SPDYE17: variants seen among roughly 807,000 people sequenced by gnomAD.
The protein encoded by SPDYE17 is speedy protein E17.
For synonymous variants in SPDYE17, 4 were observed against 14.8 expected (o/e 0.27, Z 1.68); for missense variants, 7 against 38.0 (o/e 0.18, Z 2.15).
intron 5 of SPDYE17, among the ~76,000 whole-genome samples, chr7:77,026,035 C>G (rs1239343846): frequency 1.5e-5 from 2 of 131,032 alleles, no homozygotes; most frequent in Admixed American, 8.8e-5. Context: ...GACCTAATCC[C>G]AATGTCACAT....
intron 1 of SPDYE17, among the ~76,000 whole-genome samples, 198 bp downstream of exon 1, chr7:77,032,042 C>G (rs1235373596): frequency 4.6e-5 from 3 of 65,154 alleles, no homozygotes; most frequent in Admixed American, 2.2e-4. Context: ...AACCCCATCT[C>G]TTCTAAAAAT....
intron 7 of SPDYE17, 164 bp from the exon 8 acceptor site, chr7:77,023,951 A>G: frequency 1.7e-5 from 1 of 60,242 alleles, no homozygotes; most frequent in South Asian, 1.5e-4. Context: ...ATCGTGTTCA[A>G]CTGTGAAACT....
chr7:77,029,324 C>T lies in SPDYE17; in HGVS notation c.258G>A (p.Ala86=). The T allele has an allele frequency of 8.4e-6, 1 of 119,292 alleles. No homozygotes were observed. The highest frequency in any genetic ancestry group is 1.3e-5 in the Non-Finnish European group (1 of 76,812). 7.4% of individuals were successfully genotyped at this position (119,292 alleles called of 1,614,324 possible). A position where few individuals can be genotyped will look rare whatever the true frequency, so the allele number is the denominator to read the frequency against. Reference sequence around the variant, plus strand: ...TCATCTTGAGGCCACACAGCGTCTCCGCCACCCAGGTCTCCTCAGGCTCAG... The same window carrying T: ...TCATCTTGAGGCCACACAGCGTCTCTGCCACCCAGGTCTCCTCAGGCTCAG... The part of the protein sequence containing the change: ...LAPEPEETWV[A]ETLCGLKMKA... Residue 86 remains alanine (A), a synonymous_variant, in exon 3 of 8, where the codon GCG becomes GCA. Transcript: ENST00000671986.
intron 4 of SPDYE17, 90 bp from the exon 5 acceptor site, chr7:77,027,004 G>C: frequency 2.3e-6 from 1 of 435,696 alleles, no homozygotes; most frequent in Non-Finnish European, 3.8e-6. Context: ...CTGGGGAGGG[G>C]TTGCCCATCA....
intron 5 of SPDYE17, among the ~76,000 whole-genome samples, chr7:77,026,274 T>G: frequency 1.4e-5 from 2 of 140,026 alleles, no homozygotes; most frequent in Admixed American, 7.7e-5. Flanking sequence ...GCCAGTGTGG[T>G]TGTAGAGATT....
intron 4 of SPDYE17, among the ~76,000 whole-genome samples, chr7:77,027,869 GT>G (rs1157634436): frequency 7.6e-6 from 1 of 131,416 alleles, no homozygotes; most frequent in African/African-American, 2.7e-5. Context: ...GGTGGTTCAT[GT>G]TTGTAATCCC....
At chr7:77,028,397 G>A (rs1345993751) in intron 3 of SPDYE17, among the ~76,000 whole-genome samples, 197 bp from the exon 4 acceptor site, 2 of 74,672 alleles carry the variant, frequency 2.7e-5, no homozygotes, top group African/African-American at 6.0e-5. Context: ...CTGAGAAGAG[G>A]CCGAAGGAGG....
At chr7:77,030,136 T>G (rs1789488139) in intron 2 of SPDYE17, among the ~76,000 whole-genome samples, 1 of 59,322 alleles carries the variant, frequency 1.7e-5, no homozygotes, top group Admixed American at 2.3e-4. Flanking sequence ...CAGACTGGAG[T>G]GCAGTAGCAC....
chr7:77,032,278 G>A lies in SPDYE17; in HGVS notation c.-492C>T, dbSNP rs562163346. Among the ~76,000 whole-genome samples the A allele has an allele frequency of 5.1e-3, 654 of 128,566 alleles. 74 individuals carry two copies. The highest frequency in any genetic ancestry group is 0.017 in the African/African-American group (588 of 35,264). The allele number at this position is 128,566 out of a possible 152,430, so 84.3% of individuals were successfully genotyped here. Reference sequence around the variant, plus strand: ...CCCACATGGCTTCCTAACGGGCTGCGGCTCTCCTAGGAGTCTCTCGCTCAT... The same window carrying A: ...CCCACATGGCTTCCTAACGGGCTGCAGCTCTCCTAGGAGTCTCTCGCTCAT... On this transcript the variant is annotated 5_prime_UTR_variant, in exon 1 of 8. Coordinates refer to ENST00000671986, the MANE Select transcript of SPDYE17 (RefSeq NM_001351351.3).
At chr7:77,026,129 G>T (rs1428453745) in intron 5 of SPDYE17, among the ~76,000 whole-genome samples, 7 of 131,854 alleles carry the variant, frequency 5.3e-5, no homozygotes, top group Middle Eastern at 3.6e-3. Flanking sequence ...GAGGTGAACC[G>T]ACTTCAAGGA....
At chr7:77,026,666 GTTCT>G (rs1457410792) in intron 5 of SPDYE17, among the ~76,000 whole-genome samples, 159 bp downstream of exon 5, 3 of 64,806 alleles carry the variant, frequency 4.6e-5, no homozygotes, top group African/African-American at 1.5e-4. Flanking sequence ...TTTGTTTTTT[GTTCT>G]TTTTTTTTTT....
Position 77,027,910 on chromosome 7 carries a change from G to A in SPDYE17, c.408+232C>T, listed in dbSNP as rs1278977543. Among the ~76,000 whole-genome samples, 19 of 131,296 alleles carry A rather than the reference G, an allele frequency of 1.4e-4. 3 individuals carry two copies. Among genetic ancestry groups the A allele is most frequent in the African/African-American group, 4.5e-4 (17 of 37,566 alleles). 86.1% of individuals were successfully genotyped at this position (131,296 alleles called of 152,430 possible). The stretch of plus-strand genomic sequence containing the variant: ...GCTTGGAGGCTGAGGTGGGAGAATC[G>A]CTTGAACCCAGGAGGCATCAGCTGC... On this transcript the variant is annotated intron_variant, in intron 4 of 7. Coordinates refer to ENST00000671986, the MANE Select transcript of SPDYE17 (RefSeq NM_001351351.3).
At chr7:77,026,714 TACAC>T in intron 5 of SPDYE17, 111 bp downstream of exon 5, 1 of 472,114 alleles carries the variant, frequency 2.1e-6, no homozygotes, top group South Asian at 2.4e-5. Flanking sequence ...GTCTTTTTTG[TACAC>T]AGAGTAAAGA....
At chr7:77,025,955 T>A (rs1789425564) in intron 5 of SPDYE17, among the ~76,000 whole-genome samples, 1 of 139,772 alleles carries the variant, frequency 7.2e-6, no homozygotes, top group African/African-American at 2.7e-5. Flanking sequence ...TTGAATACAC[T>A]GATATTTTGC....
Sources: gnomAD v4.1 joint callset for allele counts (sites outside exome capture counted in the v4.1 genomes callset) on GRCh38, gnomAD v4.1.1 for gene constraint, MANE v1.5 for transcripts, NCBI Gene and HGNC (gene_info 2026-07-23, HGNC 2026-07-21) for gene names.